The following RAB4A variants were observed in gnomAD, a reference collection of about 807,000 sequenced individuals.
RAB4A encodes the protein ras-related protein Rab-4A.
In RAB4A, 20 loss-of-function variants were observed where a neutral mutation model predicts 34.5. The ratio of observed to expected loss-of-function variants is 0.58; its 90% CI spans 0.41 to 0.84. The LOEUF (loss-of-function observed/expected upper bound fraction) is 0.84. Ranked by LOEUF, RAB4A falls within the 40% of genes least tolerant of loss-of-function variation. RAB4A has a pLI of 0.00. For synonymous variants in RAB4A, 102 were observed against 100.0 expected (o/e 1.02, Z -0.12); for missense variants, 228 against 274.5 (o/e 0.83, Z 1.20).
Position 229,305,048 on chromosome 1 carries a change from T to A in RAB4A, c.*1255T>A. 7.2e-7 allele frequency: 1 copy of A among 1,388,388 alleles called. No homozygotes were observed. The highest frequency in any genetic ancestry group is 9.4e-7 in the Non-Finnish European group (1 of 1,062,348). The allele number at this position is 1,388,388 out of a possible 1,614,324, so 86.0% of individuals were successfully genotyped here. A position where few individuals can be genotyped will look rare whatever the true frequency, so the allele number is the denominator to read the frequency against. ...CTGTGACTTTTTAGTTGAAGACTAG[T>A]AAATTAACTTTTAGTTAGAAGATGC... On this transcript the variant is annotated 3_prime_UTR_variant, in exon 8 of 8. Coordinates refer to ENST00000366690, the MANE Select transcript of RAB4A (RefSeq NM_004578.4).
At chr1:229,295,952 C>T (rs755813561) in intron 4 of RAB4A, 42 bp downstream of exon 4, 1 of 1,603,918 alleles carries the variant, frequency 6.2e-7, no homozygotes, top group South Asian at 1.1e-5. Flanking sequence ...GCTCAGTGCC[C>T]TGCAGCCCAA....
At chr1:229,274,660 C>A (rs1656595353) in intron 1 of RAB4A, among the ~76,000 whole-genome samples, 1 of 152,246 alleles carries the variant, frequency 6.6e-6, no homozygotes, top group Non-Finnish European at 1.5e-5. Flanking sequence ...AGGAACTCTG[C>A]TTCAGCCATC....
In RAB4A at chr1:229,271,177, CCGGCTGGGCCGCAGCCGCTGGGAGACCGG is replaced by C; in HGVS notation, c.-159_-131del. ...CCCTGCGCCTGCGCGGAGCTGGAGT[CCGGCTGGGCCGCAGCCGCTGGGAGACCGG>C]CGGTTGCCGTGGGGACCGGTCGGGC... On this transcript the variant is annotated 5_prime_UTR_variant, in exon 1 of 8. Transcript: ENST00000366690. 4.9e-6 allele frequency: 3 copies of C among 608,762 alleles called. No homozygotes were observed. The highest frequency in any genetic ancestry group is 7.0e-6 in the Non-Finnish European group (3 of 425,924). The allele number at this position is 608,762 out of a possible 1,614,324, so 37.7% of individuals were successfully genotyped here.
chr1:229,278,261 CT>C (rs1187163542), intron 1 of RAB4A, among the ~76,000 whole-genome samples: 4 of 152,330 alleles, frequency 2.6e-5, no homozygotes, highest in African/African-American at 9.6e-5. Context: ...ACTACACACA[CT>C]TTGCACAGCT....
chr1:229,295,588 G>T (rs943274215), intron 3 of RAB4A, among the ~76,000 whole-genome samples: 3 of 152,168 alleles, frequency 2.0e-5, no homozygotes, highest in Non-Finnish European at 4.4e-5. Context: ...AGCTCACCCT[G>T]CTAGGAGTTC....
chr1:229,298,811 A>G (rs988283381), intron 5 of RAB4A, among the ~76,000 whole-genome samples, 166 bp from the exon 6 acceptor site: 1 of 152,260 alleles, frequency 6.6e-6, no homozygotes, highest in Non-Finnish European at 1.5e-5. Context: ...AACATTTAAA[A>G]AACACATAAT....
intron 1 of RAB4A, among the ~76,000 whole-genome samples, chr1:229,272,495 A>G (rs477180): frequency 1.3e-5 from 2 of 152,166 alleles, no homozygotes; most frequent in African/African-American, 2.4e-5. Flanking sequence ...TATTAATCCA[A>G]TTGTGATACT....
chr1:229,299,292 G>A (rs1009485543), intron 6 of RAB4A, among the ~76,000 whole-genome samples: 3 of 152,188 alleles, frequency 2.0e-5, no homozygotes, highest in African/African-American at 7.2e-5. Flanking sequence ...AAGTGGATGG[G>A]CACACCAGCT....
rs201059085 is a variant in RAB4A, at chr1:229,305,109, A to T, written c.*1316A>T. ...TGTTGTTTATTTTAATCAGCAGAGC[A>T]CAGAGACACATAAAAACTCTGGGAA... On this transcript the variant is annotated 3_prime_UTR_variant, in exon 8 of 8. Transcript: ENST00000366690. 1.9e-6 allele frequency: 3 copies of T among 1,561,772 alleles called. No homozygotes were observed. The African/African-American group carries it at 4.1e-5, about 22-fold the overall frequency.
intron 5 of RAB4A, among the ~76,000 whole-genome samples, chr1:229,298,247 G>A (rs1359325179): frequency 6.6e-6 from 1 of 152,154 alleles, no homozygotes; most frequent in Non-Finnish European, 1.5e-5. Flanking sequence ...TGGACTCTAA[G>A]ATTCCAAATT....
chr1:229,298,880 C>A, intron 5 of RAB4A, 97 bp from the exon 6 acceptor site: 2 of 812,568 alleles, frequency 2.5e-6, no homozygotes, highest in East Asian at 2.5e-5. Context: ...AATTATATTT[C>A]GTCTGCTTTT....
At chr1:229,302,727 T>C (rs1252088100) in intron 6 of RAB4A, 135 bp from the exon 7 acceptor site, 1 of 601,506 alleles carries the variant, frequency 1.7e-6, no homozygotes, top group Non-Finnish European at 2.8e-6. Flanking sequence ...AACATATATA[T>C]AGTTTTTTCC....
At chr1:229,293,828 C>T (rs778313963) in intron 3 of RAB4A, among the ~76,000 whole-genome samples, 35 of 152,152 alleles carry the variant, frequency 2.3e-4, no homozygotes, top group Non-Finnish European at 4.3e-4. Flanking sequence ...CAAGGAAAGC[C>T]AGCGGTGTGA....
chr1:229,280,052 T>C (rs1271025304), intron 1 of RAB4A, among the ~76,000 whole-genome samples: 1 of 152,202 alleles, frequency 6.6e-6, no homozygotes, highest in Non-Finnish European at 1.5e-5. Flanking sequence ...TTAAGCACTA[T>C]ACACTTAACA....
In RAB4A at chr1:229,305,020, C is replaced by T. The variant is rs186158350; in HGVS notation, c.*1227C>T. ...CTTTCTTCACCTTATATATGTTCTT[C>T]CACTGTGACTTTTTAGTTGAAGACT... is the stretch of plus-strand genomic sequence containing the variant. On this transcript the variant is annotated 3_prime_UTR_variant, in exon 8 of 8. Coordinates refer to ENST00000366690, the MANE Select transcript of RAB4A (RefSeq NM_004578.4). The T allele has an allele frequency of 2.0e-4, 239 of 1,217,792 alleles. No individual in the cohort carries two copies. The African/African-American group carries it at 3.3e-3, about 17-fold the overall frequency. 75.4% of individuals were successfully genotyped at this position (1,217,792 alleles called of 1,614,324 possible).
In RAB4A at chr1:229,305,445, C is replaced by A; in HGVS notation, c.*1652C>A. 1.5e-6 allele frequency: 1 copy of A among 671,244 alleles called. No individual in the cohort carries two copies. The highest frequency in any genetic ancestry group is 1.9e-5 in the African/African-American group (1 of 53,294). The allele number at this position is 671,244 out of a possible 1,614,324, so 41.6% of individuals were successfully genotyped here. A position where few individuals can be genotyped will look rare whatever the true frequency, so the allele number is the denominator to read the frequency against. ...TTTATAAACGATCCTGTTAATTAAA[C>A]CACAGACACCATATATCCTTCTGCA... On this transcript the variant is annotated 3_prime_UTR_variant, in exon 8 of 8. Transcript: ENST00000366690.
chr1:229,288,908 C>T (rs2102845420), intron 3 of RAB4A, 65 bp downstream of exon 3: 4 of 982,972 alleles, frequency 4.1e-6, no homozygotes, highest in South Asian at 1.4e-5. Flanking sequence ...ATGATATTCT[C>T]TCAATATATA....
In RAB4A at chr1:229,288,912, A is replaced by G. The variant is rs751971058; in HGVS notation, c.227+69A>G. The stretch of plus-strand genomic sequence containing the variant: ...TAAAATAATTGATGATATTCTCTCA[A>G]TATATAAGGTCTCACTCCCTCCCCA... On this transcript the variant is annotated intron_variant, in intron 3 of 7. Coordinates refer to ENST00000366690, the MANE Select transcript of RAB4A (RefSeq NM_004578.4). 7.4e-6 allele frequency: 7 copies of G among 945,260 alleles called. No individual in the cohort carries two copies. The South Asian group carries it at 1.0e-4, about 14-fold the overall frequency. 58.6% of individuals were successfully genotyped at this position (945,260 alleles called of 1,614,324 possible). A position where few individuals can be genotyped will look rare whatever the true frequency, so the allele number is the denominator to read the frequency against.
intron 1 of RAB4A, among the ~76,000 whole-genome samples, chr1:229,279,415 G>A (rs941179112): frequency 6.6e-6 from 1 of 152,174 alleles, no homozygotes; most frequent in Non-Finnish European, 1.5e-5. Context: ...ATCCCCTGCT[G>A]TCCCCATCTG....
Sources: allele counts gnomAD v4.1 joint callset (sites outside exome capture counted in the v4.1 genomes callset), GRCh38; gene constraint gnomAD v4.1.1; transcripts MANE v1.5; gene names NCBI Gene and HGNC (gene_info 2026-07-23, HGNC 2026-07-21).